DOCK1: variants seen among roughly 807,000 people sequenced by gnomAD.
The protein encoded by DOCK1 is dedicator of cytokinesis protein 1.
A neutral mutation model predicts 262.7 loss-of-function variants in DOCK1; 138 were observed. That is an observed-to-expected ratio of 0.53 (90% CI 0.46 to 0.61). The LOEUF is 0.61. DOCK1 is among the 20% of genes least tolerant of loss of function. The pLI is 0.00. For missense variants in DOCK1, 1,908 were observed against 2,370.7 expected, an observed-to-expected ratio of 0.80 and a Z score of 4.05; for synonymous variants, 866 against 867.4, an observed-to-expected ratio of 1.00 and a Z score of 0.03.
chr10:127,361,579 C>G (rs183972284), intron 32 of DOCK1, among the ~76,000 whole-genome samples: 2 of 152,254 alleles, frequency 1.3e-5, no homozygotes, highest in East Asian at 3.9e-4. Context: ...ACAGAGGTGT[C>G]AGATAGCAAA....
intron 29 of DOCK1, chr10:127,272,139 A>G (rs907398593): frequency 6.6e-6 from 1 of 152,196 alleles, no homozygotes; most frequent in African/African-American, 2.4e-5. Context: ...TTAATACTGT[A>G]CCTGTCAAAT....
At chr10:127,390,302 AGCCACATGCG>A (rs1329296875) in intron 38 of DOCK1, among the ~76,000 whole-genome samples, 1 of 152,198 alleles carries the variant, frequency 6.6e-6, no homozygotes, top group East Asian at 1.9e-4. Flanking sequence ...CTGAGTCCTG[AGCCACATGCG>A]GCCATTGGGC....
In DOCK1 at chr10:127,044,267, A is replaced by C. The variant is rs534301333; in HGVS notation, c.2201+1103A>C. ...CTCTGGCCTCCTGAAGCCAGCTGTTAATATACCCTGGTCCTGCACCTGGAT... is the reference window on the plus strand; with the variant it reads ...CTCTGGCCTCCTGAAGCCAGCTGTTCATATACCCTGGTCCTGCACCTGGAT... On this transcript the variant is annotated intron_variant, in intron 21 of 51. Coordinates refer to ENST00000623213, the MANE Select transcript of DOCK1 (RefSeq NM_001290223.2). Among the ~76,000 whole-genome samples, 26 of 152,134 alleles carry C rather than the reference A, an allele frequency of 1.7e-4. No individual in the cohort carries two copies. In the South Asian group the frequency reaches 5.2e-3, roughly 30 times the overall value.
At position 127,024,727 on chromosome 10, in the gene DOCK1, T is replaced by C; in HGVS notation, c.1495T>C (p.Tyr499His). The change falls in exon 15 of 52, where the codon TAC (tyrosine) becomes CAC (histidine). Residue 499 changes from tyrosine to histidine, a missense_variant. This residue lies in a region of DOCK1 where 294 missense variants were observed against 439.9 expected (regional missense o/e 0.67). Transcript: ENST00000623213. ...PGAGDEAISEYKSVIYYQVKQ... is the reference protein window; with the variant it reads ...PGAGDEAISEHKSVIYYQVKQ... Reference sequence around the variant, plus strand: ...TGCTGGTGATGAAGCGATTTCAGAGTACAAATCTGTGATTTACTACCAAGT... The same window carrying C: ...TGCTGGTGATGAAGCGATTTCAGAGCACAAATCTGTGATTTACTACCAAGT... 1 of 1,612,602 alleles carries C rather than the reference T, an allele frequency of 6.2e-7. No individual in the cohort carries two copies. The highest frequency in any genetic ancestry group is 8.5e-7 in the Non-Finnish European group (1 of 1,179,460).
intron 50 of DOCK1, among the ~76,000 whole-genome samples, chr10:127,445,889 C>G (rs1349289162): frequency 6.6e-6 from 1 of 152,212 alleles, no homozygotes. Flanking sequence ...AACCATGATG[C>G]TGAGTGAAAT....
In DOCK1 at chr10:127,433,424, G is replaced by A. The variant is rs750717801; in HGVS notation, c.5056G>A (p.Asp1686Asn). The A allele has an allele frequency of 1.4e-5, 23 of 1,613,724 alleles. No homozygotes were observed. Among genetic ancestry groups the A allele is most frequent in the Middle Eastern group, 1.6e-4 (1 of 6,084 alleles). ...SDSTPSRPGS[D>N]GFALEPLLPK... ...CAGCACCCCTTCCAGACCAGGCTCCGACGGGTGAGTCAAGCTCACAGCAGG... is the reference window on the plus strand; with the variant it reads ...CAGCACCCCTTCCAGACCAGGCTCCAACGGGTGAGTCAAGCTCACAGCAGG... The change falls in exon 48 of 52, where the codon GAC becomes AAC. Residue 1686 changes from aspartate (D) to asparagine (N), a missense_variant. This residue lies in a region of DOCK1 where 383 missense variants were observed against 420.1 expected (regional missense o/e 0.91). Transcript: ENST00000623213.
chr10:127,263,011 C>T (rs150986594), intron 29 of DOCK1, among the ~76,000 whole-genome samples: 3 of 152,294 alleles, frequency 2.0e-5, no homozygotes, highest in Admixed American at 1.3e-4. Flanking sequence ...ACCTAGCTAC[C>T]CTGCCTCTTG....
At chr10:127,184,225 C>T (rs543151638) in intron 27 of DOCK1, among the ~76,000 whole-genome samples, 29 of 152,130 alleles carry the variant, frequency 1.9e-4, no homozygotes, top group Admixed American at 4.6e-4. Flanking sequence ...ATTGGGGTCA[C>T]GAGACCCATC....
At chr10:127,109,416 C>T (rs1038136579) in intron 24 of DOCK1, among the ~76,000 whole-genome samples, 23 of 152,164 alleles carry the variant, frequency 1.5e-4, no homozygotes, top group Non-Finnish European at 1.6e-4. Context: ...ATAAAGTCAC[C>T]TATTGTAGAC....
At chr10:126,963,608 CCCTTCCCTTCCCTTCCCTTCCCTT>C (rs2037405684) in intron 1 of DOCK1, among the ~76,000 whole-genome samples, 1 of 63,762 alleles carries the variant, frequency 1.6e-5, no homozygotes, top group Non-Finnish European at 2.8e-5. Flanking sequence ...CCCTTCCCTT[CCCTTCCCTTCCCTTCCCTTCCCTT>C]CCCTTCCCTC....
At chr10:126,907,899 TA>T (rs1437306928) in intron 1 of DOCK1, among the ~76,000 whole-genome samples, 3 of 151,942 alleles carry the variant, frequency 2.0e-5, no homozygotes, top group Admixed American at 6.6e-5. Context: ...TTAAAAAAGT[TA>T]AAAAAAGAAA....
chr10:127,202,339 A>T (rs1203732243), intron 27 of DOCK1, among the ~76,000 whole-genome samples: 8 of 151,470 alleles, frequency 5.3e-5, no homozygotes, highest in Non-Finnish European at 1.0e-4. Context: ...AAAAAAAAGA[A>T]CTAGGACAGG....
At chr10:127,441,003 A>G (rs4750886) in intron 49 of DOCK1, among the ~76,000 whole-genome samples, 136,866 of 152,312 alleles carry the variant, frequency 0.9, 61,545 homozygotes, top group East Asian at 0.96. Flanking sequence ...TCAAAACATT[A>G]TAGCTGGGTA....
rs117829847 is a variant in DOCK1, at chr10:127,438,706, G to A, written c.5061-321G>A. On this transcript the variant is annotated intron_variant, in intron 48 of 51. Coordinates refer to ENST00000623213, the MANE Select transcript of DOCK1 (RefSeq NM_001290223.2). ...TCTATATAAATCTCTAAAAGACGAGGGTTCCCCTTTTGAAATATGCCCTAA... is the reference window on the plus strand; with the variant it reads ...TCTATATAAATCTCTAAAAGACGAGAGTTCCCCTTTTGAAATATGCCCTAA... 1.6e-4 allele frequency among the ~76,000 whole-genome samples: 25 copies of A among 152,278 alleles called. No homozygotes were observed. In the East Asian group the frequency reaches 1.9e-3, roughly 12 times the overall value.
intron 21 of DOCK1, among the ~76,000 whole-genome samples, chr10:127,044,418 T>C (rs1005147860): frequency 6.6e-6 from 1 of 152,242 alleles, no homozygotes. Flanking sequence ...ACTTGCTTGC[T>C]AATAAACGTT....
At chr10:127,254,561 C>T (rs2059766211) in intron 28 of DOCK1, among the ~76,000 whole-genome samples, 1 of 152,224 alleles carries the variant, frequency 6.6e-6, no homozygotes, top group Non-Finnish European at 1.5e-5. Context: ...AAGCTGGTAA[C>T]TTCCAGATCC....
At chr10:127,003,666 TA>T (rs2040770482) in intron 10 of DOCK1, among the ~76,000 whole-genome samples, 1 of 152,116 alleles carries the variant, frequency 6.6e-6, no homozygotes, top group African/African-American at 2.4e-5. Flanking sequence ...GTCTGTACAT[TA>T]TAAGTAAGAA....
chr10:127,321,735 A>G (rs1313092110), intron 29 of DOCK1, among the ~76,000 whole-genome samples: 1 of 146,644 alleles, frequency 6.8e-6, no homozygotes, highest in Non-Finnish European at 1.5e-5. Flanking sequence ...CGCCCCTGCT[A>G]AATTTACTTT....
chr10:127,276,372 G>T (rs543735047), intron 29 of DOCK1, among the ~76,000 whole-genome samples: 2 of 152,280 alleles, frequency 1.3e-5, no homozygotes, highest in Admixed American at 6.5e-5. Context: ...GAGGGGACAG[G>T]GGGGACAGGC....
Sources: allele counts gnomAD v4.1 joint callset (sites outside exome capture counted in the v4.1 genomes callset), GRCh38; gene constraint gnomAD v4.1.1; regional missense constraint gnomAD v4.1.1; transcripts MANE v1.5; gene names NCBI Gene and HGNC (gene_info 2026-07-23, HGNC 2026-07-21).